FGF12: variants seen among roughly 807,000 people sequenced by gnomAD.
The protein encoded by FGF12 is fibroblast growth factor 12.
FGF12 carries 14 observed loss-of-function variants against 23.6 expected under a neutral mutation model. The ratio of observed to expected loss-of-function variants is 0.59; its 90% CI spans 0.39 to 0.93. The LOEUF (loss-of-function observed/expected upper bound fraction) is 0.93. FGF12 is among the 40% of genes least tolerant of loss of function. The pLI, the probability that FGF12 is intolerant of heterozygous loss-of-function variation, is 0.00. For missense variants in FGF12, 175 were observed against 217.8 expected (o/e 0.80, Z 1.24); for synonymous variants, 62 against 77.3 (o/e 0.80, Z 1.04).
At chr3:192,378,615 A>G (rs1719677237) in intron 2 of FGF12, among the ~76,000 whole-genome samples, 1 of 152,130 alleles carries the variant, frequency 6.6e-6, no homozygotes, top group African/African-American at 2.4e-5. Flanking sequence ...TCTTTGGTAT[A>G]AGTTTACATT....
At chr3:192,596,706 T>C (rs1713870084) in intron 2 of FGF12, among the ~76,000 whole-genome samples, 1 of 152,176 alleles carries the variant, frequency 6.6e-6, no homozygotes, top group African/African-American at 2.4e-5. Flanking sequence ...ATTCTTAAAA[T>C]GCAATTGGAC....
chr3:192,532,082 T>G (rs894600989), intron 2 of FGF12, among the ~76,000 whole-genome samples: 1 of 152,130 alleles, frequency 6.6e-6, no homozygotes, highest in East Asian at 1.9e-4. Flanking sequence ...TATTTCTGGG[T>G]TTTCTATTCT....
chr3:192,371,548 G>A (rs1719231623), intron 2 of FGF12, among the ~76,000 whole-genome samples: 2 of 152,202 alleles, frequency 1.3e-5, no homozygotes, highest in Non-Finnish European at 2.9e-5. Context: ...CGCTTATATG[G>A]TAGATTTAAC....
At chr3:192,573,909 A>C (rs1032114902) in intron 2 of FGF12, among the ~76,000 whole-genome samples, 2 of 152,204 alleles carry the variant, frequency 1.3e-5, no homozygotes, top group African/African-American at 2.4e-5. Context: ...CATTTAAGTT[A>C]GGAACAAAAG....
At chr3:192,333,959 TAAAG>T (rs1267872815) in intron 4 of FGF12, among the ~76,000 whole-genome samples, 1 of 152,064 alleles carries the variant, frequency 6.6e-6, no homozygotes, top group Admixed American at 6.6e-5. Flanking sequence ...TCAATGAACT[TAAAG>T]AACATACAAT....
At chr3:192,686,815 A>ATTT (rs57045697) in intron 2 of FGF12, among the ~76,000 whole-genome samples, 850 of 61,528 alleles carry the variant, frequency 0.014, 112 homozygotes, top group African/African-American at 0.058. Context: ...TTTTTCTCTA[A>ATTT]TTTTTTTTTT....
chr3:192,310,882 G>A (rs564488454), intron 4 of FGF12, among the ~76,000 whole-genome samples: 3 of 152,222 alleles, frequency 2.0e-5, no homozygotes, highest in Non-Finnish European at 2.9e-5. Flanking sequence ...GCTTCACAAC[G>A]AAAACATGGA....
At chr3:192,380,715 G>A (rs1553805490) in intron 2 of FGF12, among the ~76,000 whole-genome samples, 1 of 152,000 alleles carries the variant, frequency 6.6e-6, no homozygotes, top group Non-Finnish European at 1.5e-5. Context: ...GCACATTGTT[G>A]ACAATAGTCA....
intron 4 of FGF12, among the ~76,000 whole-genome samples, chr3:192,304,796 C>T (rs1276213107): frequency 6.6e-6 from 1 of 152,128 alleles, no homozygotes; most frequent in East Asian, 1.9e-4. Context: ...ATGCTTATTC[C>T]ATACTCAGAA....
intron 2 of FGF12, among the ~76,000 whole-genome samples, chr3:192,440,595 C>T (rs1338707614): frequency 6.6e-6 from 1 of 152,230 alleles, no homozygotes; most frequent in African/African-American, 2.4e-5. Context: ...TTTTCCTTCA[C>T]TAACCCTCCG....
rs1721110025 is a variant in FGF12, at chr3:192,409,480, A to T, written c.14-48942T>A. Reference sequence around the variant, plus strand: ...CGCCGCGCTGCTGCCCGTGCCCCCTAGGCTCGCGCGCCCCGGCAGTCAGCA... The same window carrying T: ...CGCCGCGCTGCTGCCCGTGCCCCCTTGGCTCGCGCGCCCCGGCAGTCAGCA... On this transcript the variant is annotated intron_variant, in intron 2 of 5. Coordinates refer to ENST00000445105, the MANE Select transcript of FGF12 (RefSeq NM_004113.6). This position sits in a 1 kb window ranked among gnomAD's most constrained non-coding sequence, Gnocchi z 4.8. Among the ~76,000 whole-genome samples, 1 of 152,082 alleles carries T rather than the reference A, an allele frequency of 6.6e-6. No homozygotes were observed. The highest frequency in any genetic ancestry group is 2.4e-5 in the African/African-American group (1 of 41,424).
intron 2 of FGF12, among the ~76,000 whole-genome samples, chr3:192,496,237 T>C (rs1421229698): frequency 6.6e-6 from 1 of 151,970 alleles, no homozygotes; most frequent in Non-Finnish European, 1.5e-5. Context: ...ATATCTTACA[T>C]TGCTTAAAAC....
chr3:192,706,656 A>C (rs1241727364), intron 2 of FGF12, among the ~76,000 whole-genome samples: 1 of 152,146 alleles, frequency 6.6e-6, no homozygotes, highest in Non-Finnish European at 1.5e-5. Context: ...TCCCCGCCGC[A>C]AGAACCCCAG....
chr3:192,365,561 C>T (rs1718941549), intron 2 of FGF12, among the ~76,000 whole-genome samples: 1 of 151,832 alleles, frequency 6.6e-6, no homozygotes, highest in African/African-American at 2.4e-5. Context: ...ATCTTCACAT[C>T]TCTATAAATT....
intron 2 of FGF12, among the ~76,000 whole-genome samples, chr3:192,709,316 G>A (rs1038035470): frequency 2.6e-5 from 4 of 152,146 alleles, no homozygotes; most frequent in African/African-American, 9.7e-5. Context: ...CTCTCTTTAT[G>A]GCATTACATG....
chr3:192,323,563 A>C (rs998346388), intron 4 of FGF12, among the ~76,000 whole-genome samples: 2 of 152,156 alleles, frequency 1.3e-5, no homozygotes, highest in African/African-American at 4.8e-5. Flanking sequence ...GAGGCCAGGA[A>C]AGGGGGACAT....
At chr3:192,477,818 C>G in intron 2 of FGF12, among the ~76,000 whole-genome samples, 1 of 152,132 alleles carries the variant, frequency 6.6e-6, no homozygotes, top group Non-Finnish European at 1.5e-5. Flanking sequence ...GCTGTTTGAT[C>G]AATTATTCTT....
At chr3:192,208,259 G>A (rs1009188696) in intron 4 of FGF12, among the ~76,000 whole-genome samples, 3 of 152,214 alleles carry the variant, frequency 2.0e-5, no homozygotes, top group Non-Finnish European at 4.4e-5. Context: ...AGAATAAGAA[G>A]AATGTCTGTT....
chr3:192,262,001 G>T (rs1267280138), intron 4 of FGF12, among the ~76,000 whole-genome samples: 1 of 152,158 alleles, frequency 6.6e-6, no homozygotes, highest in African/African-American at 2.4e-5. Flanking sequence ...AGTACTCGAA[G>T]AATTAGAAAA....
Sources: gnomAD v4.1 joint callset for allele counts (sites outside exome capture counted in the v4.1 genomes callset) on GRCh38, gnomAD v4.1.1 for gene constraint, Gnocchi (gnomAD v3.1) non-coding constraint, MANE v1.5 for transcripts, NCBI Gene and HGNC (gene_info 2026-07-23, HGNC 2026-07-21) for gene names.